Variants in TMEM161B observed in about 807,000 individuals in gnomAD.
The protein encoded by TMEM161B is transmembrane protein 161B.
TMEM161B carries 34 observed loss-of-function variants against 61.8 expected under a neutral mutation model. The ratio of observed to expected loss-of-function variants is 0.55; its 90% confidence interval spans 0.42 to 0.73. The LOEUF (loss-of-function observed/expected upper bound fraction) is 0.73, where lower values mean the gene tolerates loss of function less well. Among genes scored for constraint, TMEM161B ranks in the 30% least tolerant of loss-of-function variants. The pLI is 0.00. For synonymous variants in TMEM161B, 167 were observed against 192.8 expected, an observed-to-expected ratio of 0.87 and a Z score of 1.11; for missense variants, 456 against 558.5, an observed-to-expected ratio of 0.82 and a Z score of 1.85.
chr5:88,202,404 C>A, intron 9 of TMEM161B: 1 of 185,552 alleles, frequency 5.4e-6, no homozygotes, highest in Non-Finnish European at 1.1e-5. Flanking sequence ...CTGTTAGGTA[C>A]GATGATGTTA....
chr5:88,196,604 A>G (rs1361804231), intron 11 of TMEM161B, 116 bp from the exon 12 acceptor site: 1 of 1,039,732 alleles, frequency 9.6e-7, no homozygotes, highest in African/African-American at 1.7e-5. Context: ...ACAGTACATC[A>G]TTTTATGTTA....
At chr5:88,199,178 T>G (rs768738522) in intron 9 of TMEM161B, 28 bp from the exon 10 acceptor site, 1 of 1,575,602 alleles carries the variant, frequency 6.3e-7, no homozygotes, top group Non-Finnish European at 8.6e-7. Context: ...GATACGGTGC[T>G]CTCAAAGACA....
intron 5 of TMEM161B, among the ~76,000 whole-genome samples, chr5:88,214,203 G>A (rs536869457): frequency 3.1e-4 from 47 of 152,132 alleles, no homozygotes; most frequent in African/African-American, 7.2e-4. Context: ...GCCTGGCAAC[G>A]AAAGAAAATT....
At chr5:88,211,437 C>T (rs1481815797) in intron 5 of TMEM161B, among the ~76,000 whole-genome samples, 2 of 150,806 alleles carry the variant, frequency 1.3e-5, no homozygotes, top group East Asian at 3.9e-4. Flanking sequence ...GTCAAAAGTT[C>T]CATCAAGCAG....
intron 5 of TMEM161B, among the ~76,000 whole-genome samples, chr5:88,212,308 C>T (rs1746971547): frequency 6.6e-6 from 1 of 152,072 alleles, no homozygotes. Context: ...GAAAGCGCCA[C>T]CAAAACATTT....
chr5:88,240,554 A>G (rs1247852947), intron 2 of TMEM161B, among the ~76,000 whole-genome samples: 1 of 151,762 alleles, frequency 6.6e-6, no homozygotes, highest in Non-Finnish European at 1.5e-5. Flanking sequence ...TAAGGAAGCT[A>G]TAATGAGGCA....
chr5:88,186,539 G>C, downstream of TMEM161B, among the ~76,000 whole-genome samples: 1 of 151,408 alleles, frequency 6.6e-6, no homozygotes, highest in Non-Finnish European at 1.5e-5. Flanking sequence ...CTTTTGTCTC[G>C]TTTTGCAAGT....
intron 1 of TMEM161B, among the ~76,000 whole-genome samples, chr5:88,243,954 C>T (rs911820299): frequency 6.6e-6 from 1 of 151,764 alleles, no homozygotes; most frequent in African/African-American, 2.4e-5. Flanking sequence ...CTGTTCATGT[C>T]CTTTGCCCAC....
At chr5:88,268,604 C>A in intron 1 of TMEM161B, 117 bp downstream of exon 1, 1 of 1,451,170 alleles carries the variant, frequency 6.9e-7, no homozygotes, top group Non-Finnish European at 9.6e-7. Flanking sequence ...CCCAGCAGCT[C>A]ATCCCAACGT....
At chr5:88,251,623 T>C (rs1017579973) in intron 1 of TMEM161B, among the ~76,000 whole-genome samples, 5 of 152,090 alleles carry the variant, frequency 3.3e-5, no homozygotes, top group African/African-American at 4.8e-5. Context: ...GAGTCAACTA[T>C]GTCAGATTTC....
chr5:88,212,570 G>A (rs1050485188), intron 5 of TMEM161B, among the ~76,000 whole-genome samples: 1 of 152,210 alleles, frequency 6.6e-6, no homozygotes, highest in African/African-American at 2.4e-5. Flanking sequence ...GCTCACACCT[G>A]TAATCCTAGC....
chr5:88,225,185 T>A (rs1337780650), intron 4 of TMEM161B, among the ~76,000 whole-genome samples: 1 of 152,078 alleles, frequency 6.6e-6, no homozygotes, highest in African/African-American at 2.4e-5. Flanking sequence ...GCCAGGATGG[T>A]CTCGATCTCC....
chr5:88,245,734 C>T (rs1753517623), intron 1 of TMEM161B, among the ~76,000 whole-genome samples: 1 of 152,036 alleles, frequency 6.6e-6, no homozygotes, highest in Admixed American at 6.6e-5. Flanking sequence ...GGGCATCTTG[C>T]CCAACTCTCC....
chr5:88,190,353 C>T (rs2112296418), downstream of TMEM161B: 4 of 674,052 alleles, frequency 5.9e-6, no homozygotes, highest in East Asian at 1.1e-4. Context: ...TTCCAAGTGA[C>T]TCCTGACCTA....
intron 1 of TMEM161B, among the ~76,000 whole-genome samples, chr5:88,255,881 T>A (rs1754925447): frequency 6.6e-6 from 1 of 152,146 alleles, no homozygotes; most frequent in Admixed American, 6.6e-5. Context: ...ACATTCTAAA[T>A]TTTTTAAAGA....
At chr5:88,261,943 A>G (rs1403580633) in intron 1 of TMEM161B, among the ~76,000 whole-genome samples, 2 of 152,168 alleles carry the variant, frequency 1.3e-5, no homozygotes, top group Non-Finnish European at 2.9e-5. Flanking sequence ...ACTTCATTAC[A>G]ATTAAAATCT....
chr5:88,188,466 C>T (rs1046944039), downstream of TMEM161B, among the ~76,000 whole-genome samples: 2 of 152,106 alleles, frequency 1.3e-5, no homozygotes, highest in African/African-American at 4.8e-5. Context: ...AAAAACATTA[C>T]AAATAATTTC....
intron 1 of TMEM161B, among the ~76,000 whole-genome samples, chr5:88,248,994 CA>C (rs1365086579): frequency 6.6e-6 from 1 of 151,926 alleles, no homozygotes; most frequent in African/African-American, 2.4e-5. Flanking sequence ...TAGGTATTTC[CA>C]AAGAAATGGA....
chr5:88,223,794 C>A (rs1749462183), intron 4 of TMEM161B, among the ~76,000 whole-genome samples: 1 of 151,906 alleles, frequency 6.6e-6, no homozygotes, highest in Admixed American at 6.6e-5. Flanking sequence ...GAGGCTGAGG[C>A]AGGAGAATGG....
Sources: allele counts gnomAD v4.1 joint callset (sites outside exome capture counted in the v4.1 genomes callset), GRCh38; gene constraint gnomAD v4.1.1; transcripts MANE v1.5; gene names NCBI Gene and HGNC (gene_info 2026-07-23, HGNC 2026-07-21).